Variants in ARAP2 observed in about 807,000 individuals in gnomAD.
ARAP2 encodes arf-GAP with Rho-GAP domain, ANK repeat and PH domain-containing protein 2.
Under a neutral mutation model 194.5 loss-of-function variants are expected in ARAP2, and 148 were observed. The ratio of observed to expected loss-of-function variants is 0.76; its 90% CI spans 0.67 to 0.87. The LOEUF (loss-of-function observed/expected upper bound fraction) is 0.87, where lower values mean the gene tolerates loss of function less well. Ranked by LOEUF, ARAP2 falls within the 40% of genes least tolerant of loss-of-function variation. The probability of loss-of-function intolerance (pLI) is 0.00; values close to 1 mark genes in which losing one functional copy is unlikely to be tolerated. For missense variants in ARAP2, 2,128 were observed against 1,989.7 expected (o/e 1.07, Z -1.32); for synonymous variants, 695 against 683.5 (o/e 1.02, Z -0.26).
chr4:36,069,565 G>C (rs758604558), intron 32 of ARAP2, among the ~76,000 whole-genome samples: 1 of 151,692 alleles, frequency 6.6e-6, no homozygotes, highest in Non-Finnish European at 1.5e-5. Flanking sequence ...AGTTTCACTC[G>C]GCATCTATTA....
intron 1 of ARAP2, among the ~76,000 whole-genome samples, chr4:36,235,950 G>A (rs1352943841): frequency 6.6e-6 from 1 of 152,140 alleles, no homozygotes; most frequent in Non-Finnish European, 1.5e-5. Context: ...GCAGAGGTGG[G>A]TGGATTGCTT....
chr4:36,148,386 T>C lies in ARAP2; in HGVS notation c.3000+19A>G. On this transcript the variant is annotated intron_variant, in intron 17 of 32. Coordinates refer to ENST00000303965, the MANE Select transcript of ARAP2 (RefSeq NM_015230.4). ...ACAATCTTCTCTGGATTTAGAGCAG[T>C]AACATAATATTTAAATACCTTGGCT... 6.3e-7 allele frequency: 1 copy of C among 1,581,180 alleles called. No individual in the cohort carries two copies. Among genetic ancestry groups the C allele is most frequent in the Non-Finnish European group, 8.7e-7 (1 of 1,152,146 alleles).
At position 36,080,288 on chromosome 4, in the gene ARAP2, C is replaced by T. The variant is rs760078583; in HGVS notation, c.4545-9G>A. 2.4e-5 allele frequency: 38 copies of T among 1,610,192 alleles called. No individual in the cohort carries two copies. The highest frequency in any genetic ancestry group is 6.6e-5 in the South Asian group (6 of 90,916). On this transcript the variant is annotated splice_polypyrimidine_tract_variant and intron_variant, in intron 30 of 32. Transcript: ENST00000303965. ...TATCACAACACAGGTGCCTGCAAAACGAGGTTTATAAACTATGTCATTCAA... is the reference window on the plus strand; with the variant it reads ...TATCACAACACAGGTGCCTGCAAAATGAGGTTTATAAACTATGTCATTCAA...
Position 36,119,705 on chromosome 4 carries a change from TG to T in ARAP2, c.3907del (p.Gln1303LysfsTer7). On this transcript the variant is annotated frameshift_variant, in exon 24 of 33. Coordinates refer to ENST00000303965, the MANE Select transcript of ARAP2 (RefSeq NM_015230.4). LOFTEE classifies it high-confidence loss of function. ...ATTTTCTATGTCCATTTGTTTGACT[TG>T]ATCTTCTTTAACCTGTTTAAAATAT... ...YVEIFEVKED[Q>X]VKQMDIENSF... The T allele has an allele frequency of 1.2e-6, 2 of 1,602,044 alleles. No homozygotes were observed. The highest frequency in any genetic ancestry group is 1.7e-6 in the Non-Finnish European group (2 of 1,170,808).
intron 6 of ARAP2, among the ~76,000 whole-genome samples, chr4:36,196,422 C>T (rs1001070544): frequency 7.9e-5 from 12 of 152,222 alleles, no homozygotes; most frequent in African/African-American, 2.9e-4. Flanking sequence ...AAAGGACACA[C>T]CCTACCACTG....
At chr4:36,136,038 T>G (rs901268839) in intron 19 of ARAP2, among the ~76,000 whole-genome samples, 2 of 151,780 alleles carry the variant, frequency 1.3e-5, no homozygotes, top group African/African-American at 4.8e-5. Context: ...TTTCTCAACT[T>G]GTCAAAGGGC....
Position 36,067,750 on chromosome 4 carries a change from C to G in ARAP2, c.*157G>C, listed in dbSNP as rs943490205. 2.1e-5 allele frequency: 15 copies of G among 727,376 alleles called. No homozygotes were observed. The highest frequency in any genetic ancestry group is 2.8e-5 in the Non-Finnish European group (13 of 462,528). The allele number at this position is 727,376 out of a possible 1,614,324, so 45.1% of individuals were successfully genotyped here. On this transcript the variant is annotated 3_prime_UTR_variant, in exon 33 of 33. Coordinates refer to ENST00000303965, the MANE Select transcript of ARAP2 (RefSeq NM_015230.4). ...AATCTTACATTCAGTCACATATATA[C>G]ATATTTTTAAATGCTCCTTAAATGC...
chr4:36,031,666 C>CTTTT (rs67436021), intron 5 of ARAP2, among the ~76,000 whole-genome samples: 11 of 146,224 alleles, frequency 7.5e-5, no homozygotes, highest in Non-Finnish European at 1.0e-4. Context: ...GATTTAAAAT[C>CTTTT]TTTTTTTTTT....
rs183516802 is a variant in ARAP2, at chr4:36,116,344, A to T, written c.4038+717T>A. Reference sequence around the variant, plus strand: ...GTAGCTAAAGCCAAATTTCTGTTACATGGCAGAATGTCTACTGTTCATACA... The same window carrying T: ...GTAGCTAAAGCCAAATTTCTGTTACTTGGCAGAATGTCTACTGTTCATACA... On this transcript the variant is annotated intron_variant, in intron 25 of 32. Transcript: ENST00000303965. 1.4e-3 allele frequency among the ~76,000 whole-genome samples: 216 copies of T among 152,052 alleles called. 1 individual carries two copies. Among genetic ancestry groups the T allele is most frequent in the African/African-American group, 5.1e-3 (210 of 41,550 alleles).
Position 36,187,521 on chromosome 4 carries a change from T to G in ARAP2, c.1608A>C (p.Arg536=). The change falls in exon 8 of 33, where the codon CGA becomes CGC. Residue 536 remains arginine, a synonymous_variant. Transcript: ENST00000303965. ...IIPLSAISTV[R]VQGDNKFEVV... The stretch of plus-strand genomic sequence containing the variant: ...CTTCAAATTTGTTGTCTCCTTGAAC[T>G]CGTACTGTTGATATAGCAGAAAGGG... 1 of 1,564,694 alleles carries G rather than the reference T, an allele frequency of 6.4e-7. No homozygotes were observed. The highest frequency in any genetic ancestry group is 8.7e-7 in the Non-Finnish European group (1 of 1,155,760).
chr4:36,185,742 G>T (rs530156173), intron 8 of ARAP2, among the ~76,000 whole-genome samples: 3 of 151,716 alleles, frequency 2.0e-5, no homozygotes, highest in African/African-American at 7.3e-5. Context: ...TTGGGAGGCC[G>T]AGGTGGGCAG....
At chr4:36,076,870 C>T (rs977506137) in intron 31 of ARAP2, among the ~76,000 whole-genome samples, 6 of 152,114 alleles carry the variant, frequency 3.9e-5, no homozygotes, top group Admixed American at 3.9e-4. Context: ...TTCTACATCT[C>T]TGATGATCCC....
At chr4:36,232,918 C>G (rs1024480646) in intron 1 of ARAP2, among the ~76,000 whole-genome samples, 2 of 152,122 alleles carry the variant, frequency 1.3e-5, no homozygotes, top group Non-Finnish European at 2.9e-5. Flanking sequence ...ACAGCCCTTT[C>G]CTTTCTTTGG....
chr4:36,046,519 T>C (rs775125910), intron 4 of ARAP2, among the ~76,000 whole-genome samples: 4 of 152,234 alleles, frequency 2.6e-5, no homozygotes, highest in Middle Eastern at 3.4e-3. Flanking sequence ...GCACCTGGCA[T>C]ATAGGAATTT....
chr4:36,200,247 T>C lies in ARAP2; in HGVS notation c.1488-6600A>G, dbSNP rs530836000. On this transcript the variant is annotated intron_variant, in intron 6 of 32. Coordinates refer to ENST00000303965, the MANE Select transcript of ARAP2 (RefSeq NM_015230.4). Reference sequence around the variant, plus strand: ...TCAGCACTATTCCCTTTTTTTATTTTTGTTTATTTATTTATTTTTTTTTTT... The same window carrying C: ...TCAGCACTATTCCCTTTTTTTATTTCTGTTTATTTATTTATTTTTTTTTTT... 5.9e-5 allele frequency among the ~76,000 whole-genome samples: 9 copies of C among 151,956 alleles called. No homozygotes were observed. In the South Asian group the frequency reaches 1.9e-3, roughly 31 times the overall value.
intron 5 of ARAP2, among the ~76,000 whole-genome samples, chr4:36,020,775 G>A (rs150077410): frequency 1.8e-4 from 28 of 152,282 alleles, no homozygotes; most frequent in Middle Eastern, 6.8e-3. Context: ...GTTCACCTTT[G>A]GTTGCATGCC....
At position 36,028,393 on chromosome 4, in the gene ARAP2, TTCTA is replaced by T. The variant is rs1315823269; in HGVS notation, n.608-9111_608-9108del. Among the ~76,000 whole-genome samples, 8 of 152,168 alleles carry T rather than the reference TTCTA, an allele frequency of 5.3e-5. No individual in the cohort carries two copies. In the South Asian group the frequency reaches 1.5e-3, roughly 28 times the overall value. On this transcript the variant is annotated intron_variant and non_coding_transcript_variant, in intron 5 of 12. Coordinates refer to the ARAP2 transcript ENST00000503225. ...TTATGGAAATAGCTTGATTTAAAAA[TTCTA>T]TCTCTCTTCTAGTAAAATTTGATTA...
At chr4:36,175,509 G>A (rs962436786) in intron 9 of ARAP2, among the ~76,000 whole-genome samples, 4 of 152,038 alleles carry the variant, frequency 2.6e-5, no homozygotes. Context: ...CTTCCTTATC[G>A]GCTCATTCTT....
At chr4:36,154,575 C>T (rs1057111677) in intron 15 of ARAP2, among the ~76,000 whole-genome samples, 2 of 150,166 alleles carry the variant, frequency 1.3e-5, no homozygotes, top group South Asian at 2.1e-4. Context: ...TTAGGTTCAA[C>T]AAAAGCAATC....
Sources: allele counts gnomAD v4.1 joint callset (sites outside exome capture counted in the v4.1 genomes callset), GRCh38; gene constraint gnomAD v4.1.1; transcripts MANE v1.5; gene names NCBI Gene and HGNC (gene_info 2026-07-23, HGNC 2026-07-21).